Variants in RPS6KA2 observed in about 807,000 individuals in gnomAD.
RPS6KA2 encodes ribosomal protein S6 kinase alpha-2.
RPS6KA2 carries 42 observed loss-of-function variants against 91.8 expected under a neutral mutation model. The ratio of observed to expected loss-of-function variants is 0.46; its 90% CI spans 0.36 to 0.59. The LOEUF is 0.59. RPS6KA2 is among the 20% of genes least tolerant of loss of function. The pLI, the probability that RPS6KA2 is intolerant of heterozygous loss-of-function variation, is 0.00. For synonymous variants in RPS6KA2, 414 were observed against 393.6 expected, an observed-to-expected ratio of 1.05 and a Z score of -0.61; for missense variants, 798 against 978.5, an observed-to-expected ratio of 0.82 and a Z score of 2.46.
chr6:166,755,151 G>T (rs1233309100), intron 2 of RPS6KA2, among the ~76,000 whole-genome samples: 1 of 152,200 alleles, frequency 6.6e-6, no homozygotes, highest in Non-Finnish European at 1.5e-5. Context: ...TGGCTTGGAG[G>T]TTTGCATCCA....
chr6:166,625,122 G>C (rs978571116), intron 1 of RPS6KA2, among the ~76,000 whole-genome samples: 1 of 152,150 alleles, frequency 6.6e-6, no homozygotes, highest in African/African-American at 2.4e-5. Flanking sequence ...ATGAGCCACT[G>C]CGCCCGGCCA....
chr6:166,763,040 ATTG>A (rs1778218247), intron 2 of RPS6KA2, among the ~76,000 whole-genome samples: 1 of 152,210 alleles, frequency 6.6e-6, no homozygotes, highest in Non-Finnish European at 1.5e-5. Context: ...TCTGTGATTT[ATTG>A]TTATTACATT....
intron 2 of RPS6KA2, among the ~76,000 whole-genome samples, chr6:166,695,743 A>T (rs1283215964): frequency 6.6e-6 from 1 of 151,958 alleles, no homozygotes; most frequent in Non-Finnish European, 1.5e-5. Context: ...GGAGCACTGG[A>T]TTCTCACAGG....
At chr6:166,766,286 T>C (rs1244114819) in intron 2 of RPS6KA2, among the ~76,000 whole-genome samples, 3 of 152,254 alleles carry the variant, frequency 2.0e-5, no homozygotes, top group Non-Finnish European at 2.9e-5. Flanking sequence ...GTGAGTATAG[T>C]GCTATTTAAA....
At chr6:166,526,006 A>G (rs1475022374) in intron 3 of RPS6KA2, among the ~76,000 whole-genome samples, 1 of 152,222 alleles carries the variant, frequency 6.6e-6, no homozygotes, top group African/African-American at 2.4e-5. Flanking sequence ...GTTTTGGGCC[A>G]GCAGGTGTCC....
chr6:166,556,016 G>A (rs1784168634), intron 1 of RPS6KA2, among the ~76,000 whole-genome samples: 1 of 152,146 alleles, frequency 6.6e-6, no homozygotes, highest in African/African-American at 2.4e-5. Context: ...GAGTGAAAGG[G>A]CCACGGCTAG....
In RPS6KA2 at chr6:166,618,258, C is replaced by G. The variant is rs370961080; in HGVS notation, c.99+8663G>C. On this transcript the variant is annotated intron_variant, in intron 1 of 20. Coordinates refer to ENST00000265678, the MANE Select transcript of RPS6KA2 (RefSeq NM_021135.6). Reference sequence around the variant, plus strand: ...ACGAACCACCACCTCTAGGCTAGGACTCAGATGCAGTGAGCTCCACTATAC... The same window carrying G: ...ACGAACCACCACCTCTAGGCTAGGAGTCAGATGCAGTGAGCTCCACTATAC... 6.3e-4 allele frequency among the ~76,000 whole-genome samples: 96 copies of G among 152,344 alleles called. 1 individual carries two copies. The South Asian group carries it at 0.019, about 31-fold the overall frequency.
intron 1 of RPS6KA2, among the ~76,000 whole-genome samples, chr6:166,566,044 G>A (rs1784490258): frequency 6.6e-6 from 1 of 152,254 alleles, no homozygotes; most frequent in Non-Finnish European, 1.5e-5. Flanking sequence ...TAAAGAATGG[G>A]AAGAGTGTCA....
intron 1 of RPS6KA2, among the ~76,000 whole-genome samples, chr6:166,615,982 C>T (rs1005248426): frequency 5.3e-5 from 8 of 152,182 alleles, no homozygotes; most frequent in South Asian, 2.1e-4. Context: ...TAAATGACGA[C>T]GCTTTTTAGA....
At chr6:166,438,276 T>G (rs1437329041) in intron 14 of RPS6KA2, among the ~76,000 whole-genome samples, 2 of 152,222 alleles carry the variant, frequency 1.3e-5, no homozygotes. Flanking sequence ...ATTCCGTTTC[T>G]TTTTTTGGTT....
Position 166,554,591 on chromosome 6 carries a change from G to A in RPS6KA2, c.100-15807C>T, listed in dbSNP as rs140439961. ...GAGGTCTGATGCGATGTGAGAACTC[G>A]CGGCTGGCACGCGGGTGGCCATGGG... On this transcript the variant is annotated intron_variant, in intron 1 of 20. Coordinates refer to ENST00000265678, the MANE Select transcript of RPS6KA2 (RefSeq NM_021135.6). This position sits in a 1 kb window ranked among gnomAD's most constrained non-coding sequence, Gnocchi z 4.3. Among the ~76,000 whole-genome samples, 221 of 152,328 alleles carry A rather than the reference G, an allele frequency of 1.5e-3. No individual in the cohort carries two copies. The highest frequency in any genetic ancestry group is 6.8e-3 in the Middle Eastern group (2 of 294).
chr6:166,493,980 G>C lies in RPS6KA2; in HGVS notation c.748-3239C>G, dbSNP rs1781695414. Reference sequence around the variant, plus strand: ...TGGAGGCCAGTGGTACTGGGGGCAGGGGAAGGAGGAGACTCTGGGGAGACC... The same window carrying C: ...TGGAGGCCAGTGGTACTGGGGGCAGCGGAAGGAGGAGACTCTGGGGAGACC... On this transcript the variant is annotated intron_variant, in intron 8 of 20. Coordinates refer to ENST00000265678, the MANE Select transcript of RPS6KA2 (RefSeq NM_021135.6). The surrounding 1 kb of genome is among the most constrained non-coding windows in gnomAD (Gnocchi z 4.7). Among the ~76,000 whole-genome samples the C allele has an allele frequency of 6.6e-6, 1 of 152,222 alleles. No homozygotes were observed. Among genetic ancestry groups the C allele is most frequent in the African/African-American group, 2.4e-5 (1 of 41,452 alleles).
At chr6:166,421,295 C>T (rs898423686) in intron 17 of RPS6KA2, among the ~76,000 whole-genome samples, 6 of 152,174 alleles carry the variant, frequency 3.9e-5, no homozygotes, top group African/African-American at 1.4e-4. Context: ...GGGCATTCTA[C>T]AATCAATAAA....
intron 2 of RPS6KA2, among the ~76,000 whole-genome samples, chr6:166,824,234 G>A (rs1278679219): frequency 1.3e-5 from 2 of 152,168 alleles, no homozygotes; most frequent in African/African-American, 4.8e-5. Context: ...ATGAATGAAG[G>A]GAGGCAGCGA....
At chr6:166,784,881 G>T (rs1428760971) in intron 2 of RPS6KA2, among the ~76,000 whole-genome samples, 3 of 152,226 alleles carry the variant, frequency 2.0e-5, no homozygotes, top group Non-Finnish European at 2.9e-5. Context: ...GTGCATTTGT[G>T]ATGAATAATC....
intron 2 of RPS6KA2, among the ~76,000 whole-genome samples, chr6:166,764,595 G>T (rs1009324051): frequency 7.2e-4 from 109 of 152,124 alleles, no homozygotes; most frequent in Non-Finnish European, 5.4e-4. Flanking sequence ...AGGAGCAGGG[G>T]GTTGGGAAGG....
At chr6:166,560,523 G>A (rs1784312534) in intron 1 of RPS6KA2, among the ~76,000 whole-genome samples, 1 of 152,238 alleles carries the variant, frequency 6.6e-6, no homozygotes, top group Admixed American at 6.5e-5. Context: ...CTTAAGATAT[G>A]TGATCAGAAT....
intron 2 of RPS6KA2, among the ~76,000 whole-genome samples, chr6:166,634,358 C>T (rs951819081): frequency 5.3e-5 from 8 of 152,182 alleles, no homozygotes; most frequent in African/African-American, 1.4e-4. Flanking sequence ...TGGGGCCGGA[C>T]GTTTCCAGGA....
intron 2 of RPS6KA2, among the ~76,000 whole-genome samples, chr6:166,756,783 T>C (rs1373211775): frequency 6.6e-6 from 1 of 151,722 alleles, no homozygotes; most frequent in Non-Finnish European, 1.5e-5. Flanking sequence ...GAGGCGGAGG[T>C]TGTGGTGAGC....
Sources: allele counts gnomAD v4.1 joint callset (sites outside exome capture counted in the v4.1 genomes callset), GRCh38; gene constraint gnomAD v4.1.1; non-coding constraint Gnocchi (gnomAD v3.1); transcripts MANE v1.5; gene names NCBI Gene and HGNC (gene_info 2026-07-23, HGNC 2026-07-21).